Variants in RB1 observed in about 807,000 individuals in gnomAD.
RB1 encodes RB transcriptional corepressor 1.
RB1 carries 18 observed loss-of-function variants against 135.4 expected under a neutral mutation model. The observed-to-expected ratio is 0.13, with a 90% CI of 0.09 to 0.20. RB1 has a LOEUF of 0.20. Ranked by LOEUF, RB1 falls within the 10% of genes least tolerant of loss-of-function variation. The probability of loss-of-function intolerance (pLI) is 1.00; values close to 1 mark genes in which losing one functional copy is unlikely to be tolerated. For synonymous variants in RB1, 365 were observed against 373.2 expected (o/e 0.98, Z 0.25); for missense variants, 868 against 1,110.0 (o/e 0.78, Z 3.10).
intron 3 of RB1, 77 bp downstream of exon 3, chr13:48,342,791 G>T (rs1459104493): frequency 1.5e-5 from 15 of 979,584 alleles, no homozygotes; most frequent in Non-Finnish European, 2.2e-5. Flanking sequence ...ATAGACTTTT[G>T]TGAATTAGTG....
At position 48,474,579 on chromosome 13, in the gene RB1, C is replaced by A. The variant is rs183976575; in HGVS notation, c.2520+1189C>A. On this transcript the variant is annotated intron_variant, in intron 24 of 26. Transcript: ENST00000267163. ...ATGTAAGCCCGATATCCAAATGTCA[C>A]CAGCCTGTCCCTGCCTACTGGTCTC... Among the ~76,000 whole-genome samples the A allele has an allele frequency of 8.3e-3, 1,267 of 152,220 alleles. 6 individuals are homozygous for A. Among genetic ancestry groups the A allele is most frequent in the Non-Finnish European group, 0.014 (958 of 68,004 alleles).
chr13:48,365,940 A>G (rs781341362), intron 9 of RB1, among the ~76,000 whole-genome samples: 1 of 152,168 alleles, frequency 6.6e-6, no homozygotes, highest in Non-Finnish European at 1.5e-5. Flanking sequence ...ACTAGGGCTG[A>G]TAGGTTTTGT....
At chr13:48,313,653 G>A (rs1298887792) in intron 2 of RB1, among the ~76,000 whole-genome samples, 4 of 147,678 alleles carry the variant, frequency 2.7e-5, no homozygotes, top group Non-Finnish European at 6.0e-5. Context: ...TCATTGAATT[G>A]TTTTGGTGCC....
chr13:48,312,786 G>A (rs1952142693), intron 2 of RB1, among the ~76,000 whole-genome samples: 1 of 151,970 alleles, frequency 6.6e-6, no homozygotes, highest in Non-Finnish European at 1.5e-5. Flanking sequence ...ATTGACTTGA[G>A]CATTTTTTAT....
intron 24 of RB1, chr13:48,476,396 T>C (rs561648430): frequency 3.1e-5 from 11 of 358,488 alleles, no homozygotes; most frequent in African/African-American, 1.9e-4. Context: ...TAGTCCTGTA[T>C]GGTGGGTTCT....
intron 17 of RB1, among the ~76,000 whole-genome samples, chr13:48,392,813 T>C (rs1335910628): frequency 6.6e-6 from 1 of 152,128 alleles, no homozygotes; most frequent in South Asian, 2.1e-4. Flanking sequence ...TGCTTGGTGA[T>C]TTTTTTGTTA....
chr13:48,437,865 A>C (rs1159891465), intron 17 of RB1, among the ~76,000 whole-genome samples: 1 of 152,158 alleles, frequency 6.6e-6, no homozygotes, highest in Non-Finnish European at 1.5e-5. Context: ...ATAAATACCC[A>C]GTGTCAGAGA....
intron 2 of RB1, chr13:48,318,304 G>T: frequency 8.3e-7 from 1 of 1,199,390 alleles, no homozygotes; most frequent in Non-Finnish European, 1.1e-6. Flanking sequence ...TCCAGGAAGT[G>T]CATCTGGGCA....
At chr13:48,466,508 C>A (rs1177249395) in intron 23 of RB1, among the ~76,000 whole-genome samples, 1 of 151,774 alleles carries the variant, frequency 6.6e-6, no homozygotes, top group Non-Finnish European at 1.5e-5. Flanking sequence ...CGCCTCTCCT[C>A]CTCCAAAGGA....
At chr13:48,414,902 A>C (rs1269381498) in intron 17 of RB1, among the ~76,000 whole-genome samples, 1 of 152,208 alleles carries the variant, frequency 6.6e-6, no homozygotes, top group Non-Finnish European at 1.5e-5. Flanking sequence ...GGCTGGTAGA[A>C]GCTGAGTGAG....
chr13:48,333,215 CATTT>C, intron 2 of RB1: 1 of 394,234 alleles, frequency 2.5e-6, no homozygotes, highest in Non-Finnish European at 4.5e-6. Context: ...AATGTGACCT[CATTT>C]GTTTGTTGGT....
intron 17 of RB1, among the ~76,000 whole-genome samples, chr13:48,392,141 C>T (rs902087499): frequency 1.3e-5 from 2 of 151,822 alleles, no homozygotes; most frequent in South Asian, 2.1e-4. Flanking sequence ...GATGAAGCCT[C>T]GCTCTTTTGC....
chr13:48,364,961 G>A lies in RB1; in HGVS notation c.929G>A (p.Gly310Glu), dbSNP rs200844292. Reference sequence around the variant, plus strand: ...TCTCTTGGACTTGTAACATCTAATGGACTTCCAGAGGTAATCTGAAAGGAA... The same window carrying A: ...TCTCTTGGACTTGTAACATCTAATGAACTTCCAGAGGTAATCTGAAAGGAA... ...MNSLGLVTSN[G>E]LPEVENLSKR... Residue 310 changes from glycine to glutamate, a missense_variant, in exon 9 of 27, where the codon GGA becomes GAA. Physicochemically the swap from Gly to Glu is moderately conservative, Grantham distance 98 (BLOSUM62 -2). Coordinates refer to ENST00000267163, the MANE Select transcript of RB1 (RefSeq NM_000321.3). 591 of 1,570,788 alleles carry A rather than the reference G, an allele frequency of 3.8e-4. No individual in the cohort carries two copies. The highest frequency in any genetic ancestry group is 1.1e-3 in the Admixed American group (62 of 57,326).
chr13:48,396,311 G>A (rs1342133255), intron 17 of RB1, among the ~76,000 whole-genome samples: 1 of 152,002 alleles, frequency 6.6e-6, no homozygotes, highest in Non-Finnish European at 1.5e-5. Flanking sequence ...ATAAACCAAC[G>A]GAACAGAACA....
At chr13:48,474,867 A>G (rs1478226043) in intron 24 of RB1, among the ~76,000 whole-genome samples, 2 of 152,080 alleles carry the variant, frequency 1.3e-5, no homozygotes, top group African/African-American at 2.4e-5. Flanking sequence ...ATGTTGCACC[A>G]TCTCCATTCC....
intron 2 of RB1, chr13:48,320,355 G>A (rs1200153071): frequency 1.6e-6 from 2 of 1,242,528 alleles, no homozygotes; most frequent in Non-Finnish European, 2.3e-6. Flanking sequence ...TCACCGACAC[G>A]CTCTCCACCC....
intron 17 of RB1, among the ~76,000 whole-genome samples, chr13:48,405,325 T>C (rs1948730031): frequency 6.6e-6 from 1 of 152,166 alleles, no homozygotes; most frequent in Admixed American, 6.5e-5. Flanking sequence ...ATAAGAGTAA[T>C]AATGAATTTG....
intron 17 of RB1, among the ~76,000 whole-genome samples, chr13:48,390,061 T>C (rs1948599661): frequency 6.6e-6 from 1 of 152,016 alleles, no homozygotes; most frequent in Non-Finnish European, 1.5e-5. Flanking sequence ...CTGGGAGAAT[T>C]GCCTGAGCCT....
chr13:48,345,842 T>A (rs1952489355), intron 4 of RB1, among the ~76,000 whole-genome samples: 1 of 152,110 alleles, frequency 6.6e-6, no homozygotes, highest in African/African-American at 2.4e-5. Context: ...AATTGTGTAA[T>A]AGCATGGTAA....
Sources: allele counts gnomAD v4.1 joint callset (sites outside exome capture counted in the v4.1 genomes callset), GRCh38; gene constraint gnomAD v4.1.1; transcripts MANE v1.5; gene names NCBI Gene and HGNC (gene_info 2026-07-23, HGNC 2026-07-21).